EIF2AK1: variants seen among roughly 807,000 people sequenced by gnomAD.
EIF2AK1 encodes eukaryotic translation initiation factor 2-alpha kinase 1.
In EIF2AK1, 54 loss-of-function variants were observed where a neutral mutation model predicts 77.9. That is an observed-to-expected ratio of 0.69 (90% CI 0.56 to 0.87). The LOEUF (loss-of-function observed/expected upper bound fraction) is 0.87, where lower values mean the gene tolerates loss of function less well. Among genes scored for constraint, EIF2AK1 ranks in the 40% least tolerant of loss-of-function variants. The pLI is 0.00. For missense variants in EIF2AK1, 810 were observed against 768.6 expected (o/e 1.05, Z -0.64); for synonymous variants, 314 against 290.5 (o/e 1.08, Z -0.82).
Position 6,028,928 on chromosome 7 carries a change from T to G in EIF2AK1, c.1437A>C (p.Arg479Ser), listed in dbSNP as rs371694052. 4 of 1,598,236 alleles carry G rather than the reference T, an allele frequency of 2.5e-6. No homozygotes were observed. Among genetic ancestry groups the G allele is most frequent in the Non-Finnish European group, 3.4e-6 (4 of 1,176,248 alleles). Residue 479 changes from arginine to serine, a missense_variant, in exon 12 of 15, where the codon AGA becomes AGC. By Grantham distance (110) the Arg-to-Ser change is moderately radical. Around this residue, in one of 3 missense-constraint regions of EIF2AK1, gnomAD observed 549 missense variants for 533.7 expected, o/e 1.03. Coordinates refer to ENST00000199389, the MANE Select transcript of EIF2AK1 (RefSeq NM_014413.4). ...ILQKNTDWTN[R>S]NGKRTPTHTS... The stretch of plus-strand genomic sequence containing the variant: ...AAACCAAAAACTTACTCTTCCCGTT[T>G]CTGTTGGTCCAGTCTGTGTTCTTCT...
rs545616942 is a variant in EIF2AK1 at position 6,032,719 on chromosome 7, A to C, written c.1333-3687T>G. 1.4e-6 allele frequency: 1 copy of C among 738,830 alleles called. No individual in the cohort carries two copies. The highest frequency in any genetic ancestry group is 1.8e-5 in the African/African-American group (1 of 56,046). 45.8% of individuals were successfully genotyped at this position (738,830 alleles called of 1,614,324 possible). On this transcript the variant is annotated intron_variant, in intron 11 of 14. Coordinates refer to ENST00000199389, the MANE Select transcript of EIF2AK1 (RefSeq NM_014413.4). The surrounding 1 kb of genome is among the most constrained non-coding windows in gnomAD (Gnocchi z 4.3). ...AGGAAACTTTCAATGCACATACCAGAAAAAGAGTGAGCCAATGAGACACTA... is the reference window on the plus strand; with the variant it reads ...AGGAAACTTTCAATGCACATACCAGCAAAAGAGTGAGCCAATGAGACACTA...
intron 7 of EIF2AK1, 86 bp from the exon 8 acceptor site, chr7:6,043,079 G>C: frequency 1.5e-6 from 2 of 1,297,586 alleles, no homozygotes; most frequent in Non-Finnish European, 2.2e-6. Flanking sequence ...TACAAATAGT[G>C]TCAAATGAGA....
intron 14 of EIF2AK1, among the ~76,000 whole-genome samples, chr7:6,025,042 T>G (rs1312197260): frequency 2.0e-5 from 3 of 152,056 alleles, no homozygotes; most frequent in Non-Finnish European, 4.4e-5. Context: ...TTTCGCCATG[T>G]TGGCCAGGCC....
At chr7:6,040,593 G>A (rs1788267515) in intron 9 of EIF2AK1, among the ~76,000 whole-genome samples, 1 of 152,202 alleles carries the variant, frequency 6.6e-6, no homozygotes, top group Non-Finnish European at 1.5e-5. Flanking sequence ...TTTATAGCAT[G>A]ATGCTAACAT....
rs776366708 is a variant in EIF2AK1, at chr7:6,023,306, C to T, written c.*1367G>A. On this transcript the variant is annotated 3_prime_UTR_variant, in exon 15 of 15. Coordinates refer to ENST00000199389, the MANE Select transcript of EIF2AK1 (RefSeq NM_014413.4). ...CTGGCGTGTTTTTTCTTTTCAGTGC[C>T]GAAGACGCAGATGAAATTCAGCATC... 194 of 1,592,264 alleles carry T rather than the reference C, an allele frequency of 1.2e-4. No homozygotes were observed. Among genetic ancestry groups the T allele is most frequent in the Middle Eastern group, 1.7e-4 (1 of 5,910 alleles).
intron 1 of EIF2AK1, among the ~76,000 whole-genome samples, chr7:6,057,263 G>A (rs1439756072): frequency 6.7e-6 from 1 of 150,132 alleles, no homozygotes; most frequent in Admixed American, 6.7e-5. Flanking sequence ...AAAAATTATA[G>A]GTAGTATTAA....
At chr7:6,055,342 C>CAAAAAAA (rs58804557) in intron 1 of EIF2AK1, among the ~76,000 whole-genome samples, 19 of 70,144 alleles carry the variant, frequency 2.7e-4, no homozygotes, top group East Asian at 9.3e-4. Flanking sequence ...AACTCCGTCT[C>CAAAAAAA]AAAAAAAAAA....
chr7:6,038,960 G>C (rs1345298628), intron 9 of EIF2AK1, among the ~76,000 whole-genome samples: 1 of 152,096 alleles, frequency 6.6e-6, no homozygotes, highest in East Asian at 1.9e-4. Flanking sequence ...GGGGTCCAAT[G>C]GCAGAAGCTC....
intron 3 of EIF2AK1, 137 bp downstream of exon 3, chr7:6,049,775 C>T: frequency 1.2e-6 from 1 of 815,794 alleles, no homozygotes; most frequent in Non-Finnish European, 1.9e-6. Flanking sequence ...GCATGAGCCA[C>T]ACCACCATGC....
chr7:6,058,942 C>T, intron 1 of EIF2AK1, 24 bp downstream of exon 1: 2 of 1,499,820 alleles, frequency 1.3e-6, no homozygotes, highest in South Asian at 1.3e-5. Context: ...AGCAGAGCGG[C>T]GACGCCGCGA....
chr7:6,046,828 G>T, intron 5 of EIF2AK1, 164 bp downstream of exon 5: 1 of 546,642 alleles, frequency 1.8e-6, no homozygotes, highest in Non-Finnish European at 3.1e-6. Context: ...CTTGAACCAG[G>T]GAGTCAGAGG....
chr7:6,035,843 C>G lies in EIF2AK1; in HGVS notation c.1332+1581G>C. 2.6e-6 allele frequency: 4 copies of G among 1,548,428 alleles called. No individual in the cohort carries two copies. The highest frequency in any genetic ancestry group is 2.6e-6 in the Non-Finnish European group (3 of 1,145,338). ...CTGTCTCTTCCACGGGGAACACGCC[C>G]CTGAAGCTTGCAGTGTGCACTGCAT... On this transcript the variant is annotated intron_variant, in intron 11 of 14. Transcript: ENST00000199389. The surrounding 1 kb of genome is among the most constrained non-coding windows in gnomAD (Gnocchi z 5.5).
rs1787689011 is a variant in EIF2AK1, at chr7:6,024,727, G to A, written c.1839C>T (p.Leu613=). The change falls in exon 15 of 15, where the codon CTC becomes CTT. Residue 613 remains leucine (L), a synonymous_variant. Transcript: ENST00000199389. Reference sequence around the variant, plus strand: ...CCCTCACCCCTTTGTCTTGAGAAAGGAGGTTTAGCTGCTTCTTTAGTTCTG... The same window carrying A: ...CCCTCACCCCTTTGTCTTGAGAAAGAAGGTTTAGCTGCTTCTTTAGTTCTG... ...EIAELKKQLN[L]LSQDKGVRDD... 6.2e-7 allele frequency: 1 copy of A among 1,607,604 alleles called. No homozygotes were observed. Among genetic ancestry groups the A allele is most frequent in the Non-Finnish European group, 8.5e-7 (1 of 1,178,112 alleles).
intron 11 of EIF2AK1, chr7:6,031,630 C>G (rs367603916): frequency 1.3e-6 from 2 of 1,542,100 alleles, no homozygotes; most frequent in Non-Finnish European, 8.8e-7. Flanking sequence ...GGAAAAAAGT[C>G]AGGCTGCTTA....
intron 1 of EIF2AK1, among the ~76,000 whole-genome samples, chr7:6,058,695 CATCCGAAGGCCTCAGTCCCCAGAGA>C (rs750225400): frequency 7.9e-5 from 12 of 152,226 alleles, no homozygotes; most frequent in Non-Finnish European, 1.0e-4. Flanking sequence ...TGTCCCCAGC[CATCCGAAGGCCTCAGTCCCCAGAGA>C]GGAAACCAAG....
At chr7:6,029,151 T>C (rs1787829983) in intron 11 of EIF2AK1, 119 bp from the exon 12 acceptor site, 5 of 826,994 alleles carry the variant, frequency 6.0e-6, no homozygotes, top group Admixed American at 2.9e-5. Flanking sequence ...GTTAAATATT[T>C]GAGGAATAGT....
Position 6,054,274 on chromosome 7 carries a change from G to A in EIF2AK1, c.277+272C>T, listed in dbSNP as rs369062720. On this transcript the variant is annotated intron_variant, in intron 2 of 14. Coordinates refer to ENST00000199389, the MANE Select transcript of EIF2AK1 (RefSeq NM_014413.4). Reference sequence around the variant, plus strand: ...GGCTGGAGTGCAGTGGCGCTATCTCGGCTCACTGCAACCTCCACCTCCCCA... The same window carrying A: ...GGCTGGAGTGCAGTGGCGCTATCTCAGCTCACTGCAACCTCCACCTCCCCA... Among the ~76,000 whole-genome samples, 31 of 151,900 alleles carry A rather than the reference G, an allele frequency of 2.0e-4. No homozygotes were observed. The East Asian group carries it at 4.4e-3, about 22-fold the overall frequency.
intron 1 of EIF2AK1, chr7:6,058,065 C>T (rs1394003509): frequency 2.2e-6 from 1 of 448,138 alleles, no homozygotes; most frequent in Non-Finnish European, 4.5e-6. Context: ...ATCTCTTACT[C>T]TATGCTAAGT....
chr7:6,042,495 A>C (rs1788327509), intron 8 of EIF2AK1, among the ~76,000 whole-genome samples: 1 of 152,084 alleles, frequency 6.6e-6, no homozygotes, highest in Admixed American at 6.6e-5. Context: ...GAAAGGAAGA[A>C]ATAATTTAAC....
Sources: allele counts gnomAD v4.1 joint callset (sites outside exome capture counted in the v4.1 genomes callset), GRCh38; gene constraint gnomAD v4.1.1; regional missense constraint gnomAD v4.1.1; non-coding constraint Gnocchi (gnomAD v3.1); transcripts MANE v1.5; gene names NCBI Gene and HGNC (gene_info 2026-07-23, HGNC 2026-07-21).